The following PHACTR1 variants were observed in gnomAD, a reference collection of about 807,000 sequenced individuals.
The protein encoded by PHACTR1 is phosphatase and actin regulator 1.
A neutral mutation model predicts 69.2 loss-of-function variants in PHACTR1; 16 were observed. The ratio of observed to expected loss-of-function variants is 0.23; its 90% confidence interval spans 0.16 to 0.35. The LOEUF is 0.35. Ranked by LOEUF, PHACTR1 falls within the 10% of genes least tolerant of loss-of-function variation. PHACTR1 has a pLI of 1.00. For missense variants in PHACTR1, 510 were observed against 734.7 expected (o/e 0.69, Z 3.54); for synonymous variants, 312 against 284.5 (o/e 1.10, Z -0.97).
intron 4 of PHACTR1, among the ~76,000 whole-genome samples, chr6:12,888,760 ATT>A (rs1454962383): frequency 6.6e-6 from 1 of 152,140 alleles, no homozygotes; most frequent in African/African-American, 2.4e-5. Flanking sequence ...TGCAATATGT[ATT>A]TCTCTCTCAC....
intron 3 of PHACTR1, among the ~76,000 whole-genome samples, chr6:12,730,035 G>A (rs1763294695): frequency 6.6e-6 from 1 of 152,124 alleles, no homozygotes; most frequent in African/African-American, 2.4e-5. Context: ...AAAGCATATT[G>A]AGTTTGGAGA....
intron 4 of PHACTR1, among the ~76,000 whole-genome samples, chr6:12,938,515 C>G (rs1047775811): frequency 6.6e-6 from 1 of 152,146 alleles, no homozygotes; most frequent in South Asian, 2.1e-4. Flanking sequence ...ACACCAAGCC[C>G]TATCTGGTGT....
At chr6:12,762,468 G>C (rs1768127249) in intron 4 of PHACTR1, among the ~76,000 whole-genome samples, 1 of 152,180 alleles carries the variant, frequency 6.6e-6, no homozygotes, top group South Asian at 2.1e-4. Flanking sequence ...GAGCAAGTTA[G>C]ATGCTTGATA....
chr6:13,047,286 G>A (rs1006316966), intron 4 of PHACTR1, among the ~76,000 whole-genome samples: 1 of 148,868 alleles, frequency 6.7e-6, no homozygotes, highest in African/African-American at 2.5e-5. Flanking sequence ...GCTGAGGCAT[G>A]AGAATGGCTT....
Position 13,245,556 on chromosome 6 carries a change from G to A in PHACTR1, c.1391+15363G>A, listed in dbSNP as rs1475437443. Among the ~76,000 whole-genome samples the A allele has an allele frequency of 6.6e-6, 1 of 152,130 alleles. No homozygotes were observed. The highest frequency in any genetic ancestry group is 1.5e-5 in the Non-Finnish European group (1 of 68,020). ...AGTTTCTTATAGATGCTGGATATTAGACCTTTGTTGGACGTATAGTTTGCA... is the reference window on the plus strand; with the variant it reads ...AGTTTCTTATAGATGCTGGATATTAAACCTTTGTTGGACGTATAGTTTGCA... On this transcript the variant is annotated intron_variant, in intron 10 of 14. Transcript: ENST00000332995. This position sits in a 1 kb window ranked among gnomAD's most constrained non-coding sequence, Gnocchi z 4.1.
chr6:12,822,902 C>A (rs921328141), intron 4 of PHACTR1, among the ~76,000 whole-genome samples: 15 of 152,134 alleles, frequency 9.9e-5, no homozygotes, highest in African/African-American at 3.6e-4. Flanking sequence ...GCGGACAATG[C>A]CGTTTGATTT....
chr6:12,836,538 A>T (rs764245378), intron 4 of PHACTR1, among the ~76,000 whole-genome samples: 5 of 152,226 alleles, frequency 3.3e-5, no homozygotes, highest in Non-Finnish European at 7.3e-5. Flanking sequence ...AAGTGAAAAG[A>T]CATCTTCAAG....
chr6:12,805,611 C>T (rs6914513), intron 4 of PHACTR1, among the ~76,000 whole-genome samples: 65,892 of 150,212 alleles, frequency 0.44, 15,104 homozygotes, highest in African/African-American at 0.55. Context: ...TTCTTTCTTT[C>T]TTTTTTTTGG....
intron 4 of PHACTR1, among the ~76,000 whole-genome samples, chr6:12,845,297 T>C (rs777589965): frequency 3.9e-5 from 6 of 152,118 alleles, no homozygotes; most frequent in Non-Finnish European, 7.3e-5. Flanking sequence ...ACCCATCACA[T>C]AGGCCAGCAG....
chr6:13,133,317 C>G (rs112878528), intron 5 of PHACTR1, among the ~76,000 whole-genome samples: 1,732 of 148,526 alleles, frequency 0.012, 32 homozygotes, highest in African/African-American at 0.039. Context: ...CTCTCCCTCT[C>G]TCTCCACGGT....
chr6:12,881,441 G>A (rs1406872142), intron 4 of PHACTR1, among the ~76,000 whole-genome samples: 1 of 152,096 alleles, frequency 6.6e-6, no homozygotes, highest in East Asian at 1.9e-4. Context: ...ACTATGTGTG[G>A]TCCTGAGTTT....
At chr6:13,062,628 T>C (rs140042098) in intron 5 of PHACTR1, among the ~76,000 whole-genome samples, 1 of 152,196 alleles carries the variant, frequency 6.6e-6, no homozygotes, top group Non-Finnish European at 1.5e-5. Flanking sequence ...GTCCCTGGTG[T>C]CCAAGATGGT....
chr6:13,039,405 G>C (rs573027126), intron 4 of PHACTR1, among the ~76,000 whole-genome samples: 1 of 152,176 alleles, frequency 6.6e-6, no homozygotes, highest in African/African-American at 2.4e-5. Context: ...TGATAAGAGA[G>C]AATTTTTTTC....
At chr6:13,007,545 A>G (rs1271588010) in intron 4 of PHACTR1, among the ~76,000 whole-genome samples, 1 of 152,152 alleles carries the variant, frequency 6.6e-6, no homozygotes, top group African/African-American at 2.4e-5. Context: ...CAGGCTTTAG[A>G]AATGCTTAAT....
chr6:12,950,807 G>A (rs1369432793), intron 4 of PHACTR1, among the ~76,000 whole-genome samples: 1 of 152,172 alleles, frequency 6.6e-6, no homozygotes, highest in Non-Finnish European at 1.5e-5. Flanking sequence ...TGGCCCCAGT[G>A]AGCAAGTGGC....
intron 5 of PHACTR1, among the ~76,000 whole-genome samples, chr6:13,138,215 C>T (rs1268878075): frequency 6.6e-6 from 1 of 152,082 alleles, no homozygotes; most frequent in African/African-American, 2.4e-5. Context: ...TCCTAGCCTC[C>T]CCCAGAGACT....
chr6:13,214,398 A>G (rs565312909), intron 8 of PHACTR1, among the ~76,000 whole-genome samples: 1 of 152,364 alleles, frequency 6.6e-6, no homozygotes, highest in South Asian at 2.1e-4. Context: ...AGAGCTCCAG[A>G]TACTATAATT....
chr6:13,053,657 C>G (rs1170905187), intron 5 of PHACTR1, 128 bp downstream of exon 5: 1 of 1,151,198 alleles, frequency 8.7e-7, no homozygotes, highest in Admixed American at 3.1e-5. Flanking sequence ...TGGAATGGCT[C>G]TTGTCTTTAA....
At chr6:13,153,948 C>T (rs1186507664) in intron 5 of PHACTR1, among the ~76,000 whole-genome samples, 1 of 152,008 alleles carries the variant, frequency 6.6e-6, no homozygotes, top group Non-Finnish European at 1.5e-5. Context: ...TTAACTAATG[C>T]TTTTGCTATT....
Sources: allele counts gnomAD v4.1 joint callset (sites outside exome capture counted in the v4.1 genomes callset), GRCh38; gene constraint gnomAD v4.1.1; non-coding constraint Gnocchi (gnomAD v3.1); transcripts MANE v1.5; gene names NCBI Gene and HGNC (gene_info 2026-07-23, HGNC 2026-07-21).